CAST: variants seen among roughly 807,000 people sequenced by gnomAD.
CAST encodes calpastatin.
A neutral mutation model predicts 119.6 loss-of-function variants in CAST; 76 were observed. That is an observed-to-expected ratio of 0.64 (90% CI 0.53 to 0.77). The LOEUF is 0.77. CAST is among the 30% of genes least tolerant of loss of function. The pLI is 0.00. For synonymous variants in CAST, 319 were observed against 331.6 expected (o/e 0.96, Z 0.41); for missense variants, 953 against 946.5 (o/e 1.01, Z -0.09).
chr5:96,356,618 G>A, the CAST span, among the ~76,000 whole-genome samples: 1 of 152,158 alleles, frequency 6.6e-6, no homozygotes, highest in Non-Finnish European at 1.5e-5. Context: ...GTTTTTGTCA[G>A]GGTTGTCAAA....
chr5:96,580,166 T>C (rs569326150), intron 1 of CAST, among the ~76,000 whole-genome samples: 3 of 152,356 alleles, frequency 2.0e-5, no homozygotes, highest in South Asian at 2.1e-4. Context: ...GTGAGTATAA[T>C]GGGACTAATC....
At chr5:95,980,013 G>C in the CAST span, among the ~76,000 whole-genome samples, 1 of 152,084 alleles carries the variant, frequency 6.6e-6, no homozygotes, top group Non-Finnish European at 1.5e-5. Context: ...AGCTACTTGG[G>C]AGGCTGAGGC....
chr5:96,090,197 C>T, the CAST span, among the ~76,000 whole-genome samples: 15 of 152,138 alleles, frequency 9.9e-5, no homozygotes, highest in African/African-American at 2.2e-4. Context: ...TGGTGGGATA[C>T]GGGTCTCTAG....
Position 96,774,659 on chromosome 5 carries a change from T to G in CAST, c.*2043T>G. 1.0e-6 allele frequency: 1 copy of G among 983,922 alleles called. No individual in the cohort carries two copies. The highest frequency in any genetic ancestry group is 1.2e-6 in the Non-Finnish European group (1 of 828,462). The allele number at this position is 983,922 out of a possible 1,614,324, so 60.9% of individuals were successfully genotyped here. A position where few individuals can be genotyped will look rare whatever the true frequency, so the allele number is the denominator to read the frequency against. ...CATTAATCAAGGCATAAAATACAAT[T>G]AAAGCAAAATATTTTACATTAAAAT... On this transcript the variant is annotated 3_prime_UTR_variant, in exon 32 of 32. Transcript: ENST00000675179.
At chr5:96,202,554 A>C in the CAST span, among the ~76,000 whole-genome samples, 5 of 152,244 alleles carry the variant, frequency 3.3e-5, no homozygotes, top group Middle Eastern at 3.4e-3. Context: ...AGACAAAAAA[A>C]CAAAAATACA....
At chr5:96,162,775 C>T in the CAST span, among the ~76,000 whole-genome samples, 3 of 152,110 alleles carry the variant, frequency 2.0e-5, no homozygotes, top group South Asian at 2.1e-4. Context: ...GGTGTATAAC[C>T]CTTTTTAATA....
the CAST span, among the ~76,000 whole-genome samples, chr5:96,021,344 G>C: frequency 2.6e-5 from 4 of 152,070 alleles, no homozygotes; most frequent in African/African-American, 7.2e-5. Context: ...CCAGTATTTA[G>C]GATTCTAAAA....
intron 21 of CAST, 148 bp from the exon 22 acceptor site, chr5:96,754,510 G>T (rs1260682424): frequency 1.6e-6 from 1 of 624,540 alleles, no homozygotes; most frequent in African/African-American, 1.8e-5. Flanking sequence ...TCTGCCAGAT[G>T]AAGTTGCTGT....
chr5:96,129,126 G>T, the CAST span, among the ~76,000 whole-genome samples: 1 of 152,052 alleles, frequency 6.6e-6, no homozygotes, highest in Admixed American at 6.6e-5. Context: ...TTAGCAAATA[G>T]AATTTCTGGC....
At chr5:96,410,793 T>A in the CAST span, 1 of 1,613,830 alleles carries the variant, frequency 6.2e-7, no homozygotes, top group Middle Eastern at 1.6e-4. Context: ...GTCGGTGTAA[T>A]CTCCGCTGCT....
the CAST span, among the ~76,000 whole-genome samples, chr5:96,460,565 CA>C: frequency 0.38 from 53,765 of 142,774 alleles, 9,856 homozygotes; most frequent in Middle Eastern, 0.47. Context: ...ATTCTAAGTA[CA>C]AAAAAAAAAA....
chr5:96,555,451 G>A (rs904867730), intron 1 of CAST, among the ~76,000 whole-genome samples: 1 of 152,240 alleles, frequency 6.6e-6, no homozygotes, highest in Non-Finnish European at 1.5e-5. Context: ...GGAAGTGCAA[G>A]GGGTCAGGGA....
chr5:96,163,204 C>T, the CAST span, among the ~76,000 whole-genome samples: 1 of 152,018 alleles, frequency 6.6e-6, no homozygotes, highest in East Asian at 1.9e-4. Context: ...TCTTATAATC[C>T]TTTTTATTTC....
At chr5:96,120,551 C>T in the CAST span, among the ~76,000 whole-genome samples, 2 of 151,384 alleles carry the variant, frequency 1.3e-5, no homozygotes, top group South Asian at 2.1e-4. Flanking sequence ...CTTATATGTT[C>T]AGGCTCTGAC....
At chr5:96,408,372 T>C in the CAST span, 13 of 1,344,862 alleles carry the variant, frequency 9.7e-6, no homozygotes, top group Non-Finnish European at 1.4e-5. Context: ...ACGTGAGGAG[T>C]GTGGGCCTGT....
chr5:96,676,186 A>G (rs1353207115), intron 2 of CAST, among the ~76,000 whole-genome samples: 1 of 152,166 alleles, frequency 6.6e-6, no homozygotes, highest in Non-Finnish European at 1.5e-5. Flanking sequence ...GGGTCATGTG[A>G]AAGTTCTGCC....
chr5:96,581,602 C>T (rs562800748), intron 1 of CAST, among the ~76,000 whole-genome samples: 1 of 152,112 alleles, frequency 6.6e-6, no homozygotes, highest in African/African-American at 2.4e-5. Context: ...TTAAAAACAA[C>T]CTGAATAGCC....
chr5:96,529,094 AG>A (rs1745645166), upstream of CAST, among the ~76,000 whole-genome samples: 1 of 152,240 alleles, frequency 6.6e-6, no homozygotes, highest in African/African-American at 2.4e-5. Flanking sequence ...TGGGTTTTGC[AG>A]GAAACTCTTG....
chr5:96,581,708 G>A (rs1320632227), intron 1 of CAST, among the ~76,000 whole-genome samples: 2 of 152,012 alleles, frequency 1.3e-5, no homozygotes, highest in Non-Finnish European at 2.9e-5. Context: ...GGCTAACATG[G>A]TGAAACCCCC....
Sources: allele counts gnomAD v4.1 joint callset (sites outside exome capture counted in the v4.1 genomes callset), GRCh38; gene constraint gnomAD v4.1.1; transcripts MANE v1.5; gene names NCBI Gene and HGNC (gene_info 2026-07-23, HGNC 2026-07-21).